The following ZCWPW2 variants were observed in gnomAD, a reference collection of about 807,000 sequenced individuals.
ZCWPW2 encodes zinc finger CW-type and PWWP domain containing 2.
ZCWPW2 carries 45 observed loss-of-function variants against 46.6 expected under a neutral mutation model. That is an observed-to-expected ratio of 0.96 (90% CI 0.76 to 1.24). The LOEUF (loss-of-function observed/expected upper bound fraction) is 1.24, where lower values mean the gene tolerates loss of function less well. Among genes scored for constraint, ZCWPW2 ranks in the 50% most tolerant of loss-of-function variants. The probability of loss-of-function intolerance (pLI) is 0.00; values close to 1 mark genes in which losing one functional copy is unlikely to be tolerated. For synonymous variants in ZCWPW2, 152 were observed against 137.1 expected (o/e 1.11, Z -0.76); for missense variants, 429 against 403.9 (o/e 1.06, Z -0.53).
intron 4 of ZCWPW2, among the ~76,000 whole-genome samples, chr3:28,447,473 ACACT>A (rs771293143): frequency 1.7e-4 from 26 of 152,086 alleles, no homozygotes; most frequent in African/African-American, 6.0e-4. Context: ...AAAAAAAAAA[ACACT>A]CAACAAACTA....
chr3:28,493,182 G>T (rs1699884327), intron 6 of ZCWPW2, among the ~76,000 whole-genome samples: 2 of 118,034 alleles, frequency 1.7e-5, no homozygotes, highest in African/African-American at 6.4e-5. Context: ...AAGTTTTAGG[G>T]TACATGTGCA....
intron 6 of ZCWPW2, among the ~76,000 whole-genome samples, chr3:28,500,267 G>T (rs867249475): frequency 6.6e-6 from 1 of 151,986 alleles, no homozygotes. Flanking sequence ...TGAAGTAAAA[G>T]AAATCTATAT....
chr3:28,478,863 A>C lies in ZCWPW2; in HGVS notation c.542A>C (p.Glu181Ala). 2 of 1,585,812 alleles carry C rather than the reference A, an allele frequency of 1.3e-6. No homozygotes were observed. Among genetic ancestry groups the C allele is most frequent in the Non-Finnish European group, 1.7e-6 (2 of 1,169,128 alleles). ...AAGTGGTATAAAAGTGCACTACAAG[A>C]AGCATGTCTACTCTATGGATATTCT... ...KKKWYKSALQ[E>A]ACLLYGYSHE... The change falls in exon 5 of 10, where the codon GAA becomes GCA. Residue 181 changes from glutamate to alanine, a missense_variant. Physicochemically the swap from Glu to Ala is moderately radical, Grantham distance 107 (BLOSUM62 -1). Coordinates refer to ENST00000383768, the MANE Select transcript of ZCWPW2 (RefSeq NM_001040432.4).
chr3:28,517,221 G>A (rs1356888164), intron 8 of ZCWPW2, among the ~76,000 whole-genome samples: 1 of 151,960 alleles, frequency 6.6e-6, no homozygotes. Flanking sequence ...CAGCTTTGGG[G>A]TAACCCAACC....
At chr3:28,407,438 T>G (rs763585158) in intron 2 of ZCWPW2, among the ~76,000 whole-genome samples, 28 of 152,312 alleles carry the variant, frequency 1.8e-4, no homozygotes, top group Non-Finnish European at 3.4e-4. Context: ...TGAATTGATG[T>G]TTAAAGTCAT....
At chr3:28,392,405 T>G (rs1320292846) in intron 2 of ZCWPW2, among the ~76,000 whole-genome samples, 1 of 152,148 alleles carries the variant, frequency 6.6e-6, no homozygotes, top group Non-Finnish European at 1.5e-5. Context: ...AAGGGAGAGA[T>G]CATTCAGACA....
At chr3:28,499,730 T>A (rs531551005) in intron 6 of ZCWPW2, among the ~76,000 whole-genome samples, 185 of 152,256 alleles carry the variant, frequency 1.2e-3, no homozygotes, top group African/African-American at 4.1e-3. Context: ...TGCCCATGCC[T>A]ATTTCCTAAA....
At chr3:28,432,196 A>G (rs1297356536) in intron 3 of ZCWPW2, among the ~76,000 whole-genome samples, 1 of 152,208 alleles carries the variant, frequency 6.6e-6, no homozygotes, top group Non-Finnish European at 1.5e-5. Context: ...TGGCAAAACC[A>G]GAGAAAAATG....
chr3:28,495,260 G>T (rs1393010833), intron 6 of ZCWPW2, among the ~76,000 whole-genome samples: 1 of 152,062 alleles, frequency 6.6e-6, no homozygotes, highest in Admixed American at 6.6e-5. Flanking sequence ...TTGCAGAGAG[G>T]AATTCAATAT....
At chr3:28,419,854 C>T (rs931626450) in intron 3 of ZCWPW2, among the ~76,000 whole-genome samples, 2 of 107,166 alleles carry the variant, frequency 1.9e-5, no homozygotes, top group Non-Finnish European at 1.9e-5. Flanking sequence ...TGTTCTCACT[C>T]ATAGGTGGGA....
At chr3:28,509,903 TA>T (rs1264246548) in intron 6 of ZCWPW2, among the ~76,000 whole-genome samples, 10 of 152,314 alleles carry the variant, frequency 6.6e-5, no homozygotes, top group African/African-American at 1.7e-4. Flanking sequence ...TCCAAGATTA[TA>T]AAGATTTGCT....
chr3:28,402,529 G>T (rs1695989107), intron 2 of ZCWPW2, among the ~76,000 whole-genome samples: 1 of 152,048 alleles, frequency 6.6e-6, no homozygotes, highest in African/African-American at 2.4e-5. Flanking sequence ...TAAAGAAAGA[G>T]GGAACCTTTC....
At chr3:28,492,238 A>G in intron 6 of ZCWPW2, 65 bp downstream of exon 6, 1 of 1,360,954 alleles carries the variant, frequency 7.3e-7, no homozygotes, top group Non-Finnish European at 9.9e-7. Flanking sequence ...TATTCTTTAA[A>G]GAAAATTATA....
At chr3:28,383,560 T>C (rs58918848) in intron 1 of ZCWPW2, among the ~76,000 whole-genome samples, 42,432 of 151,534 alleles carry the variant, frequency 0.28, 6,144 homozygotes, top group Middle Eastern at 0.33. Flanking sequence ...GGGTATATTT[T>C]TTTTTCTACT....
intron 3 of ZCWPW2, among the ~76,000 whole-genome samples, chr3:28,417,192 G>A (rs1269921971): frequency 6.6e-6 from 1 of 151,658 alleles, no homozygotes; most frequent in East Asian, 1.9e-4. Context: ...TATCACCACT[G>A]ATCCCACAGA....
intron 4 of ZCWPW2, among the ~76,000 whole-genome samples, chr3:28,463,528 AT>A (rs748257314): frequency 1.3e-5 from 2 of 152,170 alleles, no homozygotes; most frequent in Non-Finnish European, 2.9e-5. Context: ...ATATACTCAG[AT>A]TTTAGTGAAA....
At chr3:28,444,034 A>G (rs942176687) in intron 4 of ZCWPW2, among the ~76,000 whole-genome samples, 1 of 152,012 alleles carries the variant, frequency 6.6e-6, no homozygotes, top group African/African-American at 2.4e-5. Context: ...AACTATTAGA[A>G]CCTTTTTTTA....
chr3:28,513,957 G>A (rs1159546856), intron 6 of ZCWPW2, 107 bp from the exon 7 acceptor site: 10 of 727,210 alleles, frequency 1.4e-5, no homozygotes, highest in South Asian at 4.5e-5. Context: ...GTTATCAGCC[G>A]GGGTGTTTCT....
rs1404265844 is a variant in ZCWPW2 at position 28,470,261 on chromosome 3, G to A, written c.493-8553G>A. The stretch of plus-strand genomic sequence containing the variant: ...TGTAATCCCAGCACTTCGGAAGGCC[G>A]AGGCTGGCAGATCATGAAGTCAGGA... On this transcript the variant is annotated intron_variant, in intron 4 of 9. Transcript: ENST00000383768. Among the ~76,000 whole-genome samples, 20 of 152,252 alleles carry A rather than the reference G, an allele frequency of 1.3e-4. No individual in the cohort carries two copies. In the South Asian group the frequency reaches 1.9e-3, roughly 14 times the overall value.
Sources: gnomAD v4.1 joint callset for allele counts (sites outside exome capture counted in the v4.1 genomes callset) on GRCh38, gnomAD v4.1.1 for gene constraint, MANE v1.5 for transcripts, NCBI Gene and HGNC (gene_info 2026-07-23, HGNC 2026-07-21) for gene names.